Variants in VAPB observed in about 807,000 individuals in gnomAD.
VAPB encodes VAMP associated protein B and C, also known as vesicle-associated membrane protein-associated protein B/C.
A neutral mutation model predicts 25.6 loss-of-function variants in VAPB; 7 were observed. The observed-to-expected ratio is 0.27, with a 90% CI of 0.16 to 0.51. The LOEUF (loss-of-function observed/expected upper bound fraction) is 0.51. Among genes scored for constraint, VAPB ranks in the 20% least tolerant of loss-of-function variants. The pLI, the probability that VAPB is intolerant of heterozygous loss-of-function variation, is 0.97. For missense variants in VAPB, 266 were observed against 301.3 expected (o/e 0.88, Z 0.87); for synonymous variants, 112 against 109.2 (o/e 1.03, Z -0.16).
At chr20:58,425,228 TGA>T (rs1011792080) in intron 2 of VAPB, among the ~76,000 whole-genome samples, 25 of 152,120 alleles carry the variant, frequency 1.6e-4, no homozygotes, top group African/African-American at 6.0e-4. Context: ...GCAGGCTTTG[TGA>T]GAGGACGGGG....
chr20:58,390,614 G>A (rs755507514), intron 1 of VAPB, among the ~76,000 whole-genome samples: 2 of 152,136 alleles, frequency 1.3e-5, no homozygotes, highest in Non-Finnish European at 2.9e-5. Context: ...AAATGGAACA[G>A]TCTGACTCCA....
At chr20:58,421,068 T>G (rs1017373795) in intron 2 of VAPB, among the ~76,000 whole-genome samples, 1 of 152,130 alleles carries the variant, frequency 6.6e-6, no homozygotes, top group Non-Finnish European at 1.5e-5. Flanking sequence ...CCAAGCTTGG[T>G]TTTACCCACT....
chr20:58,418,139 C>T (rs1988587319), intron 1 of VAPB, 72 bp from the exon 2 acceptor site: 1 of 1,592,616 alleles, frequency 6.3e-7, no homozygotes, highest in Non-Finnish European at 8.6e-7. Flanking sequence ...ACTATATTTA[C>T]AGCTCTCTTT....
At chr20:58,429,177 G>C (rs752985456) in intron 2 of VAPB, among the ~76,000 whole-genome samples, 18 of 150,632 alleles carry the variant, frequency 1.2e-4, no homozygotes, top group Non-Finnish European at 2.4e-4. Flanking sequence ...ACTTTTCTCA[G>C]ATCAAAAACC....
intron 1 of VAPB, among the ~76,000 whole-genome samples, chr20:58,395,109 C>T (rs1209381489): frequency 6.6e-6 from 1 of 151,318 alleles, no homozygotes; most frequent in Non-Finnish European, 1.5e-5. Context: ...ATTTTTAGAA[C>T]CGAAACTTGA....
intron 5 of VAPB, among the ~76,000 whole-genome samples, chr20:58,443,764 A>C (rs1020128067): frequency 2.6e-5 from 4 of 152,108 alleles, no homozygotes; most frequent in Non-Finnish European, 4.4e-5. Flanking sequence ...CGAGGGTGCA[A>C]AGGGCCCAGT....
intron 1 of VAPB, among the ~76,000 whole-genome samples, chr20:58,412,425 C>A (rs1988403057): frequency 6.6e-6 from 1 of 151,832 alleles, no homozygotes; most frequent in Non-Finnish European, 1.5e-5. Flanking sequence ...ATTAAAAATA[C>A]AAAAATTAGC....
intron 1 of VAPB, among the ~76,000 whole-genome samples, chr20:58,417,279 T>C (rs1445394033): frequency 6.6e-6 from 1 of 152,238 alleles, no homozygotes; most frequent in Non-Finnish European, 1.5e-5. Context: ...GGAATAGTAT[T>C]ATTTCATTAT....
In VAPB at chr20:58,449,934, C is replaced by T. The variant is rs901792727; in HGVS notation, c.*5699C>T. 4.4e-6 allele frequency: 2 copies of T among 453,090 alleles called. No homozygotes were observed. The highest frequency in any genetic ancestry group is 4.0e-5 in the African/African-American group (2 of 49,714). The allele number at this position is 453,090 out of a possible 1,614,324, so 28.1% of individuals were successfully genotyped here. ...GTCTGACTGAAATAAAACAGGTTCCCTTTTTTTTTCCCTTTGGAAAATGCC... is the reference window on the plus strand; with the variant it reads ...GTCTGACTGAAATAAAACAGGTTCCTTTTTTTTTTCCCTTTGGAAAATGCC... On this transcript the variant is annotated 3_prime_UTR_variant, in exon 6 of 6. Coordinates refer to ENST00000475243, the MANE Select transcript of VAPB (RefSeq NM_004738.5).
Position 58,450,211 on chromosome 20 carries a change from A to G in VAPB, c.*5976A>G, listed in dbSNP as rs1368969234. On this transcript the variant is annotated 3_prime_UTR_variant, in exon 6 of 6. Transcript: ENST00000475243. ...CTGTTAATCCTCTAGTACAGTATCC[A>G]TGTTAAAATGTTTTTCCATTGCATC... 4.4e-6 allele frequency: 2 copies of G among 452,744 alleles called. No individual in the cohort carries two copies. The highest frequency in any genetic ancestry group is 8.9e-6 in the Non-Finnish European group (2 of 225,974). The allele number at this position is 452,744 out of a possible 1,614,324, so 28.0% of individuals were successfully genotyped here.
rs770013348 is a variant in VAPB, at chr20:58,389,475, C to T, written c.16C>T (p.Gln6Ter). The change falls in exon 1 of 6, where the codon CAG (glutamine) becomes TAG (stop). Residue 6 changes from glutamine to a stop codon, truncating the protein, a stop_gained. Coordinates refer to ENST00000475243, the MANE Select transcript of VAPB (RefSeq NM_004738.5). LOFTEE classifies it high-confidence loss of function. ...GCTAAGGAACATGGCGAAGGTGGAG[C>T]AGGTCCTGAGCCTCGAGCCGCAGCA... MAKVE[Q>*]VLSLEPQHEL... is the part of the protein sequence containing the mutation. The T allele has an allele frequency of 1.3e-6, 2 of 1,597,248 alleles. No individual in the cohort carries two copies. The highest frequency in any genetic ancestry group is 1.1e-5 in the South Asian group (1 of 87,974).
chr20:58,395,299 A>G (rs150337241), intron 1 of VAPB, among the ~76,000 whole-genome samples: 77 of 152,040 alleles, frequency 5.1e-4, no homozygotes, highest in African/African-American at 1.8e-3. Context: ...CTACAGGCAC[A>G]TGCCACCATG....
In VAPB at chr20:58,447,587, T is replaced by C. The variant is rs1413084389; in HGVS notation, c.*3352T>C. The C allele has an allele frequency of 2.2e-6, 1 of 453,972 alleles. No homozygotes were observed. The highest frequency in any genetic ancestry group is 4.4e-6 in the Non-Finnish European group (1 of 226,796). The allele number at this position is 453,972 out of a possible 1,614,324, so 28.1% of individuals were successfully genotyped here. A position where few individuals can be genotyped will look rare whatever the true frequency, so the allele number is the denominator to read the frequency against. On this transcript the variant is annotated 3_prime_UTR_variant, in exon 6 of 6. Transcript: ENST00000475243. Reference sequence around the variant, plus strand: ...AGTTTGCAGGCTATGTTGAGTCAGATAGAACTGAATGTAGTGAGAGCTCAG... The same window carrying C: ...AGTTTGCAGGCTATGTTGAGTCAGACAGAACTGAATGTAGTGAGAGCTCAG...
chr20:58,426,731 G>A (rs954333078), intron 2 of VAPB, among the ~76,000 whole-genome samples: 2 of 152,192 alleles, frequency 1.3e-5, no homozygotes, highest in African/African-American at 2.4e-5. Context: ...GATTAAATTT[G>A]TGGAGTTTGT....
intron 1 of VAPB, among the ~76,000 whole-genome samples, chr20:58,402,562 C>CTTTT (rs1491184515): frequency 7.4e-6 from 1 of 134,646 alleles, no homozygotes; most frequent in African/African-American, 3.0e-5. Flanking sequence ...CCCCCCCACC[C>CTTTT]TTTTTTTTTT....
intron 2 of VAPB, among the ~76,000 whole-genome samples, chr20:58,424,056 A>G (rs935973392): frequency 5.3e-5 from 8 of 152,180 alleles, no homozygotes; most frequent in African/African-American, 1.9e-4. Flanking sequence ...TTTAAATATC[A>G]AGATCAAGAG....
At chr20:58,429,882 C>CTT (rs1568715052) in intron 2 of VAPB, among the ~76,000 whole-genome samples, 1 of 151,998 alleles carries the variant, frequency 6.6e-6, no homozygotes, top group Non-Finnish European at 1.5e-5. Context: ...AGTGCTCAAA[C>CTT]TTTTTGGTCT....
At chr20:58,429,515 T>C (rs1346425896) in intron 2 of VAPB, among the ~76,000 whole-genome samples, 1 of 152,266 alleles carries the variant, frequency 6.6e-6, no homozygotes, top group Non-Finnish European at 1.5e-5. Flanking sequence ...GGAGCTGTGC[T>C]GGTGACATCT....
chr20:58,433,867 G>A (rs923469014), intron 2 of VAPB, among the ~76,000 whole-genome samples: 1 of 152,144 alleles, frequency 6.6e-6, no homozygotes, highest in East Asian at 1.9e-4. Context: ...TTGTAGCAAA[G>A]TAACATATTT....
Sources: gnomAD v4.1 joint callset for allele counts (sites outside exome capture counted in the v4.1 genomes callset) on GRCh38, gnomAD v4.1.1 for gene constraint, MANE v1.5 for transcripts, NCBI Gene and HGNC (gene_info 2026-07-23, HGNC 2026-07-21) for gene names.